Variants in PPP2R2C observed in about 807,000 individuals in gnomAD.
The protein encoded by PPP2R2C is protein phosphatase 2, regulatory subunit B, gamma.
A neutral mutation model predicts 45.3 loss-of-function variants in PPP2R2C; 10 were observed. The ratio of observed to expected loss-of-function variants is 0.22; its 90% CI spans 0.14 to 0.37. PPP2R2C has a LOEUF of 0.37. PPP2R2C is among the 10% of genes least tolerant of loss of function. The pLI is 1.00. For synonymous variants in PPP2R2C, 257 were observed against 245.4 expected, an observed-to-expected ratio of 1.05 and a Z score of -0.44; for missense variants, 308 against 619.7, an observed-to-expected ratio of 0.50 and a Z score of 5.34.
intron 1 of PPP2R2C, among the ~76,000 whole-genome samples, chr4:6,450,625 C>G (rs542629037): frequency 2.6e-5 from 4 of 152,312 alleles, no homozygotes; most frequent in South Asian, 2.1e-4. Flanking sequence ...CCCACCCAGG[C>G]AGCTGCCTGG....
At chr4:6,511,199 C>T (rs1176557235) in intron 2 of PPP2R2C, among the ~76,000 whole-genome samples, 1 of 152,078 alleles carries the variant, frequency 6.6e-6, no homozygotes, top group Non-Finnish European at 1.5e-5. Flanking sequence ...TAGAACGATG[C>T]CTGGCATGGC....
intron 1 of PPP2R2C, among the ~76,000 whole-genome samples, chr4:6,435,295 AG>A (rs1256670154): frequency 1.3e-5 from 2 of 152,040 alleles, no homozygotes; most frequent in Non-Finnish European, 2.9e-5. Flanking sequence ...TTCACTTTTT[AG>A]ATGGGTTTAT....
chr4:6,372,501 G>GT, intron 5 of PPP2R2C, 22 bp downstream of exon 5: 7 of 1,540,596 alleles, frequency 4.5e-6, no homozygotes, highest in Non-Finnish European at 6.1e-6. Flanking sequence ...GGAGGCACTG[G>GT]CCAGGCCACA....
chr4:6,525,644 C>G (rs58398513), intron 2 of PPP2R2C, among the ~76,000 whole-genome samples: 10,214 of 152,200 alleles, frequency 0.067, 406 homozygotes, highest in Middle Eastern at 0.14. Context: ...TGCCCTACTG[C>G]TGATTCCAAC....
chr4:6,531,561 CTTTT>C (rs11327901), intron 2 of PPP2R2C, among the ~76,000 whole-genome samples: 23 of 143,824 alleles, frequency 1.6e-4, no homozygotes, highest in Non-Finnish European at 1.7e-4. Context: ...TCCCGTTTTC[CTTTT>C]TTTTTTTTTT....
At chr4:6,377,850 C>A (rs1715456668) in intron 3 of PPP2R2C, among the ~76,000 whole-genome samples, 1 of 152,112 alleles carries the variant, frequency 6.6e-6, no homozygotes, top group South Asian at 2.1e-4. Context: ...AGGCCGAGAG[C>A]CTCCGGTGCC....
At chr4:6,421,061 G>T (rs768199560) in intron 1 of PPP2R2C, 111 of 985,204 alleles carry the variant, frequency 1.1e-4, no homozygotes, top group Middle Eastern at 5.2e-4. Flanking sequence ...CTTCCTATTT[G>T]GGGTGTCCAC....
intron 5 of PPP2R2C, among the ~76,000 whole-genome samples, chr4:6,363,122 A>T (rs4234736): frequency 6.6e-6 from 1 of 152,134 alleles, no homozygotes; most frequent in Admixed American, 6.5e-5. Flanking sequence ...CCATGGACAG[A>T]GCCATGGCAC....
chr4:6,465,777 A>G (rs1006068820), intron 1 of PPP2R2C, among the ~76,000 whole-genome samples: 1 of 152,230 alleles, frequency 6.6e-6, no homozygotes, highest in African/African-American at 2.4e-5. Context: ...AAAATGCACA[A>G]GTTATATTTC....
At chr4:6,513,410 G>A (rs976809691) in intron 2 of PPP2R2C, among the ~76,000 whole-genome samples, 1 of 152,160 alleles carries the variant, frequency 6.6e-6, no homozygotes, top group African/African-American at 2.4e-5. Context: ...GAGAGACAGT[G>A]TGTGTCTGGG....
intron 2 of PPP2R2C, among the ~76,000 whole-genome samples, chr4:6,512,655 G>GGTGGTT (rs763570550): frequency 8.3e-5 from 12 of 144,094 alleles, no homozygotes; most frequent in Non-Finnish European, 1.5e-4. Flanking sequence ...TGGTGCTGAT[G>GGTGGTT]GTGGTGGTGG....
At chr4:6,371,302 C>A (rs1488151100) in intron 5 of PPP2R2C, among the ~76,000 whole-genome samples, 2 of 152,242 alleles carry the variant, frequency 1.3e-5, no homozygotes, top group African/African-American at 2.4e-5. Context: ...TTCCAAGGGT[C>A]TCCCTGCCCA....
At chr4:6,542,709 A>AAAAAAAAAAG (rs112182178) in intron 1 of PPP2R2C, among the ~76,000 whole-genome samples, 16,037 of 127,476 alleles carry the variant, frequency 0.13, 1,684 homozygotes, top group Non-Finnish European at 0.17. Flanking sequence ...TCTCAAAAAA[A>AAAAAAAAAAG]AAAAAGAAAA....
chr4:6,452,490 C>T (rs1720792090), intron 1 of PPP2R2C, among the ~76,000 whole-genome samples: 1 of 152,232 alleles, frequency 6.6e-6, no homozygotes, highest in Non-Finnish European at 1.5e-5. Context: ...AAGACACTGG[C>T]ATTTGCGGCC....
chr4:6,383,428 G>A (rs1296174740), intron 1 of PPP2R2C: 1 of 1,289,552 alleles, frequency 7.8e-7, no homozygotes, highest in Non-Finnish European at 1.0e-6. Flanking sequence ...CTCATCTACT[G>A]CTCTCCACCT....
chr4:6,553,277 G>C (rs116449431), intron 1 of PPP2R2C, among the ~76,000 whole-genome samples: 1 of 152,206 alleles, frequency 6.6e-6, no homozygotes, highest in African/African-American at 2.4e-5. Flanking sequence ...CAAACTCCAC[G>C]GGAGCCTTAG....
At position 6,415,693 on chromosome 4, in the gene PPP2R2C, G is replaced by A. The variant is rs74806084; in HGVS notation, c.71-34599C>T. 5.6e-3 allele frequency among the ~76,000 whole-genome samples: 846 copies of A among 152,294 alleles called. 19 individuals are homozygous for A. In the East Asian group the frequency reaches 0.071, roughly 13 times the overall value. ...ATTCAACCCTGAATCCTGCAGAAGCGGGCAGCAGTGAGGGGCTTTGAAGAG... is the reference window on the plus strand; with the variant it reads ...ATTCAACCCTGAATCCTGCAGAAGCAGGCAGCAGTGAGGGGCTTTGAAGAG... On this transcript the variant is annotated intron_variant, in intron 1 of 8. Transcript: ENST00000382599.
At chr4:6,453,094 T>C (rs1262983341) in intron 1 of PPP2R2C, among the ~76,000 whole-genome samples, 1 of 152,194 alleles carries the variant, frequency 6.6e-6, no homozygotes, top group African/African-American at 2.4e-5. Context: ...ATCATAAAGA[T>C]GAGCAGGTGC....
intron 5 of PPP2R2C, among the ~76,000 whole-genome samples, chr4:6,355,892 G>A (rs1319204178): frequency 6.6e-6 from 1 of 151,056 alleles, no homozygotes; most frequent in East Asian, 1.9e-4. Flanking sequence ...TACTCAGGAG[G>A]CTGAGGCAGG....
Sources: allele counts gnomAD v4.1 joint callset (sites outside exome capture counted in the v4.1 genomes callset), GRCh38; gene constraint gnomAD v4.1.1; transcripts MANE v1.5; gene names NCBI Gene and HGNC (gene_info 2026-07-23, HGNC 2026-07-21).